PTCD1: variants seen among roughly 807,000 people sequenced by gnomAD.
The protein encoded by PTCD1 is pentatricopeptide repeat domain 1.
A neutral mutation model predicts 53.4 loss-of-function variants in PTCD1; 50 were observed. The observed-to-expected ratio is 0.94, with a 90% CI of 0.75 to 1.19. PTCD1 has a LOEUF of 1.19. Ranked by LOEUF, PTCD1 falls within the 50% of genes most tolerant of loss-of-function variation. PTCD1 has a pLI of 0.00. For synonymous variants in PTCD1, 413 were observed against 394.8 expected, an observed-to-expected ratio of 1.05 and a Z score of -0.55; for missense variants, 918 against 904.8, an observed-to-expected ratio of 1.01 and a Z score of -0.19.
In PTCD1 at chr7:99,419,014, C is replaced by G. The variant is rs910260806; in HGVS notation, c.*953G>C. The stretch of plus-strand genomic sequence containing the variant: ...TGCCCTCTTCCCCCACCAGAGTGTA[C>G]CAGCCCAGAGGCCCCCCTGAAGTCC... On this transcript the variant is annotated 3_prime_UTR_variant, in exon 8 of 8. Transcript: ENST00000292478. 4.3e-4 allele frequency: 113 copies of G among 264,528 alleles called. No homozygotes were observed. The highest frequency in any genetic ancestry group is 2.4e-3 in the African/African-American group (108 of 44,326). 16.4% of individuals were successfully genotyped at this position (264,528 alleles called of 1,614,324 possible).
At chr7:99,427,363 G>GC (rs1242624512) in intron 5 of PTCD1, among the ~76,000 whole-genome samples, 1 of 148,642 alleles carries the variant, frequency 6.7e-6, no homozygotes, top group African/African-American at 2.5e-5. Context: ...TGGGGGGTCA[G>GC]CCCCCCGCCC....
chr7:99,438,547 C>T (rs538112829), intron 1 of PTCD1, 145 bp downstream of exon 1: 2 of 1,132,014 alleles, frequency 1.8e-6, no homozygotes, highest in East Asian at 1.0e-4. Flanking sequence ...AGGCCAACGC[C>T]GACCCCTCTC....
chr7:99,425,948 C>G (rs989726599), intron 5 of PTCD1, among the ~76,000 whole-genome samples: 1 of 152,166 alleles, frequency 6.6e-6, no homozygotes, highest in African/African-American at 2.4e-5. Flanking sequence ...TGCCCACAGT[C>G]CCAGCTACTC....
At chr7:99,424,650 G>T in intron 6 of PTCD1, 145 bp downstream of exon 6, 1 of 1,114,268 alleles carries the variant, frequency 9.0e-7, no homozygotes, top group Non-Finnish European at 1.3e-6. Context: ...CCAAAGACCA[G>T]AAGGTCATTG....
chr7:99,419,329 T>G lies in PTCD1; in HGVS notation c.*638A>C. 4 of 1,588,934 alleles carry G rather than the reference T, an allele frequency of 2.5e-6. No homozygotes were observed. The highest frequency in any genetic ancestry group is 3.4e-6 in the Non-Finnish European group (4 of 1,160,802). On this transcript the variant is annotated 3_prime_UTR_variant, in exon 8 of 8. Coordinates refer to ENST00000292478, the MANE Select transcript of PTCD1 (RefSeq NM_015545.4). ...TCCTTCGTGGGAGGGTTGCCACATA[T>G]GTGAGTGTGCAGGGGCGAGCGTGGC...
chr7:99,438,183 G>A (rs1349521099), intron 1 of PTCD1, among the ~76,000 whole-genome samples: 1 of 152,160 alleles, frequency 6.6e-6, no homozygotes. Context: ...CAGCACTTTG[G>A]GAGGCCCAGG....
At chr7:99,437,626 G>A (rs1362319040) in intron 1 of PTCD1, among the ~76,000 whole-genome samples, 1 of 152,072 alleles carries the variant, frequency 6.6e-6, no homozygotes, top group East Asian at 1.9e-4. Flanking sequence ...TTTCAAAGCA[G>A]TAATAAATGT....
rs138833009 is a variant in PTCD1, at chr7:99,433,319, G to A, written c.553C>T (p.Arg185Trp). Reference protein sequence around the residue: ...NYTVLIGGCGRVGYLKKAFNL... With the variant: ...NYTVLIGGCGWVGYLKKAFNL... ...AAGGCCTTCTTCAGGTAGCCAACCC[G>A]CCCGCAGCCCCCAATCAGCACCGTG... is the stretch of plus-strand genomic sequence containing the variant. The change falls in exon 3 of 8, where the codon CGG becomes TGG. Residue 185 changes from arginine to tryptophan, a missense_variant. Arg to Trp is a moderately radical substitution (Grantham distance 101, BLOSUM62 -3). Transcript: ENST00000292478. The A allele has an allele frequency of 2.4e-5, 39 of 1,613,996 alleles. No individual in the cohort carries two copies. The highest frequency in any genetic ancestry group is 2.0e-4 in the South Asian group (18 of 91,080).
At position 99,425,392 on chromosome 7, in the gene PTCD1, A is replaced by T. The variant is rs752176078; in HGVS notation, c.1140T>A (p.His380Gln). 1 of 1,614,048 alleles carries T rather than the reference A, an allele frequency of 6.2e-7. No individual in the cohort carries two copies. The highest frequency in any genetic ancestry group is 8.5e-7 in the Non-Finnish European group (1 of 1,180,032). The change falls in exon 6 of 8, where the codon CAT becomes CAA. Residue 380 changes from histidine to glutamine, a missense_variant. Physicochemically the swap from His to Gln is conservative, Grantham distance 24 (BLOSUM62 0). Transcript: ENST00000292478. ...ACAGCTGCCTCTCCAGGGCCTCCAC[A>T]TGCAGCATGGCTGACATGAGGTTGC... ...KAGNLMSAMLHVEALERQLFL... is the reference protein window; with the variant it reads ...KAGNLMSAMLQVEALERQLFL...
intron 3 of PTCD1, 117 bp from the exon 4 acceptor site, chr7:99,429,923 G>T: frequency 7.7e-7 from 1 of 1,294,660 alleles, no homozygotes; most frequent in Non-Finnish European, 1.1e-6. Flanking sequence ...CACCAGGCCA[G>T]GCTCTAAGGC....
chr7:99,435,677 CA>C (rs1202346752), intron 1 of PTCD1, among the ~76,000 whole-genome samples: 3 of 150,276 alleles, frequency 2.0e-5, no homozygotes, highest in African/African-American at 4.9e-5. Context: ...AAGAACAGGC[CA>C]GGGGCGGTGG....
Position 99,419,706 on chromosome 7 carries a change from G to T in PTCD1, c.*261C>A. 1 of 694,796 alleles carries T rather than the reference G, an allele frequency of 1.4e-6. No homozygotes were observed. The highest frequency in any genetic ancestry group is 2.4e-6 in the Non-Finnish European group (1 of 422,598). 43.0% of individuals were successfully genotyped at this position (694,796 alleles called of 1,614,324 possible). A position where few individuals can be genotyped will look rare whatever the true frequency, so the allele number is the denominator to read the frequency against. ...GACCAGATGCCCCAGCCCCCTTGTGGTGTGTGAGGTGACACACAAAGGTAG... is the reference window on the plus strand; with the variant it reads ...GACCAGATGCCCCAGCCCCCTTGTGTTGTGTGAGGTGACACACAAAGGTAG... On this transcript the variant is annotated 3_prime_UTR_variant, in exon 8 of 8. Transcript: ENST00000292478.
intron 1 of PTCD1, 22 bp from the exon 2 acceptor site, chr7:99,435,290 AAG>A (rs1207016518): frequency 1.9e-6 from 3 of 1,599,336 alleles, no homozygotes; most frequent in African/African-American, 1.3e-5. Flanking sequence ...CAGGAAAAAT[AAG>A]AGAGTCAACT....
In PTCD1 at chr7:99,424,876, G is replaced by A. The variant is rs765676975; in HGVS notation, c.1656C>T (p.Val552=). 2.2e-5 allele frequency: 36 copies of A among 1,614,144 alleles called. No homozygotes were observed. In the Middle Eastern group the frequency reaches 6.6e-4, roughly 29 times the overall value. The change falls in exon 6 of 8, where the codon GTC becomes GTT. Residue 552 remains valine (V), a synonymous_variant. Coordinates refer to ENST00000292478, the MANE Select transcript of PTCD1 (RefSeq NM_015545.4). ...LLPVLAKRGL[V]PNLQTFCNLA... is the part of the protein sequence containing the mutation. ...GGTTGCAGAATGTCTGCAGGTTGGGGACGAGGCCCCTCTTTGCCAGGACCG... is the reference window on the plus strand; with the variant it reads ...GGTTGCAGAATGTCTGCAGGTTGGGAACGAGGCCCCTCTTTGCCAGGACCG...
At chr7:99,435,352 G>T (rs994359232) in intron 1 of PTCD1, 84 bp from the exon 2 acceptor site, 10 of 1,539,596 alleles carry the variant, frequency 6.5e-6, no homozygotes, top group East Asian at 2.4e-5. Flanking sequence ...ACAAGTATGG[G>T]CCCAGGCCAG....
At chr7:99,438,443 C>T (rs1796582432) in intron 1 of PTCD1, 3 of 948,728 alleles carry the variant, frequency 3.2e-6, no homozygotes, top group South Asian at 2.3e-5. Context: ...CCAGCCTGGG[C>T]CACAGAGCGA....
chr7:99,429,978 A>G (rs971134830), intron 3 of PTCD1, among the ~76,000 whole-genome samples, 172 bp from the exon 4 acceptor site: 1 of 152,174 alleles, frequency 6.6e-6, no homozygotes, highest in Admixed American at 6.5e-5. Flanking sequence ...ACTCAGACAC[A>G]TTGAAGGGAC....
rs761484759 is a variant in PTCD1, at chr7:99,435,193, C to T, written c.50G>A (p.Gly17Glu). Residue 17 changes from glycine (G) to glutamate (E), a missense_variant, in exon 2 of 8, where the codon GGA (glycine) becomes GAA (glutamate). Physicochemically the swap from Gly to Glu is moderately conservative, Grantham distance 98. Transcript: ENST00000292478. ...ARLFARARPM[G>E]LFILQHLDPC... Reference sequence around the variant, plus strand: ...GTCCAGGTGTTGCAGGATGAACAGTCCCATGGGGCGGGCCCTGGCGAACAG... The same window carrying T: ...GTCCAGGTGTTGCAGGATGAACAGTTCCATGGGGCGGGCCCTGGCGAACAG... 2.5e-6 allele frequency: 4 copies of T among 1,605,142 alleles called. No individual in the cohort carries two copies. The South Asian group carries it at 4.4e-5, about 18-fold the overall frequency.
At chr7:99,438,454 G>GA (rs1365584822) in intron 1 of PTCD1, 2 of 1,023,374 alleles carry the variant, frequency 2.0e-6, no homozygotes, top group East Asian at 1.1e-4. Flanking sequence ...CACAGAGCGA[G>GA]AAAAAACCCT....
Sources: gnomAD v4.1 joint callset for allele counts (sites outside exome capture counted in the v4.1 genomes callset) on GRCh38, gnomAD v4.1.1 for gene constraint, MANE v1.5 for transcripts, NCBI Gene and HGNC (gene_info 2026-07-23, HGNC 2026-07-21) for gene names.